Variants in PTPRD observed in about 807,000 individuals in gnomAD.
PTPRD encodes the protein protein tyrosine phosphatase receptor type D, also known as receptor-type tyrosine-protein phosphatase delta.
PTPRD carries 34 observed loss-of-function variants against 214.5 expected under a neutral mutation model. The ratio of observed to expected loss-of-function variants is 0.16; its 90% CI spans 0.12 to 0.21. The LOEUF (loss-of-function observed/expected upper bound fraction) is 0.21, where lower values mean the gene tolerates loss of function less well. Among genes scored for constraint, PTPRD ranks in the 10% least tolerant of loss-of-function variants. PTPRD has a pLI of 1.00. For missense variants in PTPRD, 2,545 were observed against 2,398.7 expected (o/e 1.06, Z -1.27); for synonymous variants, 1,128 against 845.7 (o/e 1.33, Z -5.79).
intron 8 of PTPRD, among the ~76,000 whole-genome samples, chr9:9,466,402 A>T (rs2094159549): frequency 6.6e-6 from 1 of 152,248 alleles, no homozygotes; most frequent in African/African-American, 2.4e-5. Flanking sequence ...CATATACTAT[A>T]CAATTCAAAA....
rs7854044 is a variant in PTPRD at position 10,380,711 on chromosome 9, T to G, written c.-599-39694A>C. On this transcript the variant is annotated intron_variant, in intron 2 of 45. Transcript: ENST00000381196. ...AGTAATTGTGAAAAACGTTTGTAAA[T>G]TGAAATATGAACATAACCATAGAAA... is the stretch of plus-strand genomic sequence containing the variant. Among the ~76,000 whole-genome samples the G allele has an allele frequency of 5.6e-3, 857 of 152,104 alleles. 7 individuals are homozygous for G. The highest frequency in any genetic ancestry group is 0.02 in the African/African-American group (812 of 41,518).
At chr9:8,975,000 G>A (rs542754915) in intron 11 of PTPRD, among the ~76,000 whole-genome samples, 2 of 151,104 alleles carry the variant, frequency 1.3e-5, no homozygotes, top group Non-Finnish European at 1.5e-5. Context: ...GGGAGGCTGA[G>A]GCAGGAGAAT....
intron 11 of PTPRD, among the ~76,000 whole-genome samples, chr9:8,914,284 T>C (rs2098769279): frequency 1.3e-5 from 2 of 152,286 alleles, no homozygotes; most frequent in Non-Finnish European, 2.9e-5. Flanking sequence ...TTTGAAGATA[T>C]TACTCAAATT....
At chr9:10,611,210 C>A (rs2080878483) in intron 2 of PTPRD, among the ~76,000 whole-genome samples, 2 of 152,088 alleles carry the variant, frequency 1.3e-5, no homozygotes, top group Non-Finnish European at 2.9e-5. Flanking sequence ...CACTATTAGA[C>A]TCTAGTCAGT....
chr9:9,652,155 A>T (rs1432464613), intron 7 of PTPRD, among the ~76,000 whole-genome samples: 4 of 151,870 alleles, frequency 2.6e-5, no homozygotes. Context: ...TCAAGCTTTA[A>T]TTGTACTTTC....
At chr9:9,669,736 T>C (rs145462735) in intron 7 of PTPRD, among the ~76,000 whole-genome samples, 319 of 152,296 alleles carry the variant, frequency 2.1e-3, no homozygotes, top group African/African-American at 7.5e-3. Context: ...TCAACATCAT[T>C]TTTATAATTC....
chr9:10,518,253 C>A (rs1441286973), intron 2 of PTPRD, among the ~76,000 whole-genome samples: 1 of 152,104 alleles, frequency 6.6e-6, no homozygotes, highest in Non-Finnish European at 1.5e-5. Context: ...CAATCACCAA[C>A]TACATAAATC....
chr9:8,820,687 C>T (rs577441820), intron 11 of PTPRD, among the ~76,000 whole-genome samples: 3 of 152,076 alleles, frequency 2.0e-5, no homozygotes, highest in South Asian at 2.1e-4. Flanking sequence ...AATTTCTCAG[C>T]GAACGCCTCC....
chr9:10,153,864 AT>A (rs1017021789), intron 3 of PTPRD, among the ~76,000 whole-genome samples: 13 of 151,756 alleles, frequency 8.6e-5, no homozygotes, highest in Admixed American at 2.0e-4. Flanking sequence ...ATTGTACCAC[AT>A]TTTTTTTAGC....
intron 9 of PTPRD, among the ~76,000 whole-genome samples, chr9:9,205,612 G>C (rs2099944366): frequency 6.6e-6 from 1 of 152,022 alleles, no homozygotes; most frequent in African/African-American, 2.4e-5. Context: ...AGTTTTCTTA[G>C]CACTAAGCAT....
At chr9:9,409,124 G>A (rs999056911) in intron 8 of PTPRD, among the ~76,000 whole-genome samples, 1 of 151,668 alleles carries the variant, frequency 6.6e-6, no homozygotes, top group African/African-American at 2.4e-5. Context: ...CTCATATTAT[G>A]CTTTCTTATT....
At chr9:9,245,186 G>T (rs1184868623) in intron 9 of PTPRD, among the ~76,000 whole-genome samples, 1 of 152,168 alleles carries the variant, frequency 6.6e-6, no homozygotes, top group African/African-American at 2.4e-5. Flanking sequence ...TACACTGTTG[G>T]TGGGACTGTA....
chr9:10,134,267 C>G (rs1201444659), intron 3 of PTPRD, among the ~76,000 whole-genome samples: 1 of 152,094 alleles, frequency 6.6e-6, no homozygotes, highest in African/African-American at 2.4e-5. Flanking sequence ...CTGGCTGCCC[C>G]CAAGGGAGAA....
At chr9:9,961,437 C>A (rs1232074189) in intron 4 of PTPRD, among the ~76,000 whole-genome samples, 1 of 152,044 alleles carries the variant, frequency 6.6e-6, no homozygotes, top group Non-Finnish European at 1.5e-5. Flanking sequence ...TTGTTTTGAA[C>A]ATTAATTTAA....
chr9:8,673,640 A>G (rs1317639506), intron 12 of PTPRD, among the ~76,000 whole-genome samples: 1 of 151,902 alleles, frequency 6.6e-6, no homozygotes, highest in Non-Finnish European at 1.5e-5. Flanking sequence ...CTCTTTCTAT[A>G]TTTTTAATTT....
At chr9:9,863,977 AT>A (rs1309231015) in intron 5 of PTPRD, among the ~76,000 whole-genome samples, 1 of 152,306 alleles carries the variant, frequency 6.6e-6, no homozygotes, top group East Asian at 1.9e-4. Flanking sequence ...TGCTAGAAAT[AT>A]CCAAAAGATT....
intron 14 of PTPRD, among the ~76,000 whole-genome samples, chr9:8,576,045 C>T (rs147419619): frequency 1.0e-3 from 155 of 152,280 alleles, no homozygotes; most frequent in African/African-American, 3.6e-3. Context: ...ATGGATGATA[C>T]TTAGTATGCA....
intron 8 of PTPRD, among the ~76,000 whole-genome samples, chr9:9,534,605 C>T (rs553075462): frequency 2.6e-5 from 4 of 151,972 alleles, no homozygotes; most frequent in African/African-American, 9.7e-5. Flanking sequence ...TAAGACACCA[C>T]GTTTTATTTA....
chr9:9,964,906 T>C (rs759453497), intron 4 of PTPRD, among the ~76,000 whole-genome samples: 4 of 152,146 alleles, frequency 2.6e-5, no homozygotes, highest in East Asian at 1.9e-4. Context: ...ATTTGAAATA[T>C]AGGGAAATAA....
Sources: allele counts gnomAD v4.1 joint callset (sites outside exome capture counted in the v4.1 genomes callset), GRCh38; gene constraint gnomAD v4.1.1; transcripts MANE v1.5; gene names NCBI Gene and HGNC (gene_info 2026-07-23, HGNC 2026-07-21).